PCLO: variants seen among roughly 807,000 people sequenced by gnomAD.
PCLO encodes the protein piccolo presynaptic cytomatrix protein.
PCLO carries 82 observed loss-of-function variants against 427.5 expected under a neutral mutation model. The observed-to-expected ratio is 0.19, with a 90% CI of 0.16 to 0.23. The LOEUF is 0.23. PCLO is among the 10% of genes least tolerant of loss of function. PCLO has a pLI of 1.00. For synonymous variants in PCLO, 2,357 were observed against 2,155.4 expected (o/e 1.09, Z -2.59); for missense variants, 6,239 against 6,115.9 (o/e 1.02, Z -0.67).
chr7:83,040,585 A>G (rs1226512901), intron 3 of PCLO, among the ~76,000 whole-genome samples: 1 of 152,158 alleles, frequency 6.6e-6, no homozygotes, highest in Non-Finnish European at 1.5e-5. Flanking sequence ...TCTCTTCCCC[A>G]GTTAATTATT....
Position 82,801,527 on chromosome 7 carries a change from C to T in PCLO, c.14998G>A (p.Asp5000Asn). The change falls in exon 22 of 25, where the codon GAC (aspartate) becomes AAC (asparagine). Residue 5000 changes from aspartate (D) to asparagine (N), a missense_variant. Physicochemically the swap from Asp to Asn is conservative, Grantham distance 23 (BLOSUM62 1). Transcript: ENST00000333891. ...KQPGVGVGLA[D>N]TEAKTQVMGE... ...GTAAATTTTTACTTACCTTCAGTGT[C>T]TGCTAGTCCTACTCCTACCCCTGGC... 6.4e-7 allele frequency: 1 copy of T among 1,569,126 alleles called. No homozygotes were observed. The highest frequency in any genetic ancestry group is 8.8e-7 in the Non-Finnish European group (1 of 1,139,156).
intron 20 of PCLO, among the ~76,000 whole-genome samples, chr7:82,813,984 G>A (rs1228848085): frequency 6.6e-6 from 1 of 151,680 alleles, no homozygotes; most frequent in African/African-American, 2.4e-5. Context: ...GTAGATAATG[G>A]AAGATGAAAT....
chr7:82,973,176 G>A (rs1583859113), intron 3 of PCLO, among the ~76,000 whole-genome samples: 1 of 152,186 alleles, frequency 6.6e-6, no homozygotes, highest in South Asian at 2.1e-4. Flanking sequence ...TGAGACTGCA[G>A]TTTATAAGTA....
At chr7:82,876,891 T>C (rs1044401321) in intron 10 of PCLO, among the ~76,000 whole-genome samples, 3 of 152,126 alleles carry the variant, frequency 2.0e-5, no homozygotes, top group Admixed American at 2.0e-4. Context: ...TTTATACTCA[T>C]AGAAAGGCCT....
chr7:82,824,243 T>G lies in PCLO; in HGVS notation c.14589A>C (p.Pro4863=), dbSNP rs2115659091. The change falls in exon 19 of 25, where the codon CCA becomes CCC. Residue 4863 remains proline, a synonymous_variant. Transcript: ENST00000333891. ...TAAAAAAATATTTCCTACCCTTTGA[T>G]GGGTCAGGGAAGATACCATGGCTTC... ...KSRSHGIFPD[P]SKDMQVPTIE... is the part of the protein sequence containing the mutation. 3.1e-6 allele frequency: 5 copies of G among 1,602,126 alleles called. No individual in the cohort carries two copies. Among genetic ancestry groups the G allele is most frequent in the Middle Eastern group, 1.7e-4 (1 of 5,904 alleles).
At chr7:83,085,808 T>G (rs192139357) in intron 3 of PCLO, among the ~76,000 whole-genome samples, 5 of 152,270 alleles carry the variant, frequency 3.3e-5, no homozygotes, top group African/African-American at 1.2e-4. Context: ...TGTATGCTAT[T>G]TTTTTATTTG....
At chr7:83,011,811 A>T (rs1391992062) in intron 3 of PCLO, among the ~76,000 whole-genome samples, 3 of 151,970 alleles carry the variant, frequency 2.0e-5, no homozygotes, top group Non-Finnish European at 4.4e-5. Context: ...CACTTTAAAG[A>T]TCCCCAAATT....
chr7:82,953,279 G>A lies in PCLO; in HGVS notation c.7674C>T (p.Thr2558=), dbSNP rs373399399. ...TGTTGGAGTGTGGGGAAAGTGGGGA[G>A]GTAGGGGAAGGCAATTTATAATCTG... is the stretch of plus-strand genomic sequence containing the variant. ...TSADYKLPSP[T]SPLSPHSNKS... is the part of the protein sequence containing the mutation. Residue 2558 remains threonine, a synonymous_variant, in exon 5 of 25, where the codon ACC becomes ACT. Transcript: ENST00000333891. The A allele has an allele frequency of 1.2e-6, 2 of 1,613,802 alleles. No homozygotes were observed. The highest frequency in any genetic ancestry group is 1.7e-6 in the Non-Finnish European group (2 of 1,179,842).
At chr7:83,015,712 A>G (rs1404654826) in intron 3 of PCLO, among the ~76,000 whole-genome samples, 1 of 152,166 alleles carries the variant, frequency 6.6e-6, no homozygotes. Context: ...GCTAAATGAC[A>G]TATAGCCATT....
At chr7:83,129,078 T>C (rs756765227) in intron 3 of PCLO, among the ~76,000 whole-genome samples, 1 of 152,318 alleles carries the variant, frequency 6.6e-6, no homozygotes, top group East Asian at 1.9e-4. Context: ...TATTATCTAG[T>C]ACCTTAGGTT....
At position 82,824,286 on chromosome 7, in the gene PCLO, G is replaced by A; in HGVS notation, c.14546C>T (p.Pro4849Leu). The A allele has an allele frequency of 6.2e-7, 1 of 1,613,404 alleles. No individual in the cohort carries two copies. Among genetic ancestry groups the A allele is most frequent in the Non-Finnish European group, 8.5e-7 (1 of 1,179,664 alleles). Residue 4849 changes from proline to leucine, a missense_variant, in exon 19 of 25, where the codon CCA becomes CTA. Physicochemically the swap from Pro to Leu is moderately conservative, Grantham distance 98. Around this residue, in one of 5 missense-constraint regions of PCLO, gnomAD observed 877 missense variants for 925.5 expected, o/e 0.95. Coordinates refer to ENST00000333891, the MANE Select transcript of PCLO (RefSeq NM_033026.6). Reference sequence around the variant, plus strand: ...ATGGCTTCTGCTTTTGATAACAGATGGCTTTGGGGACTGCTGGCTGCTCTG... The same window carrying A: ...ATGGCTTCTGCTTTTGATAACAGATAGCTTTGGGGACTGCTGGCTGCTCTG... ...SSQSSQQSPK[P>L]SVIKSRSHGI...
chr7:83,135,273 C>A lies in PCLO; in HGVS notation c.2277G>T (p.Met759Ile), dbSNP rs1429294399. The change falls in exon 3 of 25, where the codon ATG (methionine) becomes ATT (isoleucine). Residue 759 changes from methionine to isoleucine, a missense_variant. Around this residue, in one of 5 missense-constraint regions of PCLO, gnomAD observed 4,677 missense variants for 4,468.4 expected, o/e 1.05. Transcript: ENST00000333891. ...ATACAAGGTCAGTGGTTGGCTTTAC[C>A]ATCTTGGGCTGCTTTGGTTTATCAT... ...VADDKPKQPK[M>I]VKPTTDLVSS... is the part of the protein sequence containing the mutation. 7 of 1,613,726 alleles carry A rather than the reference C, an allele frequency of 4.3e-6. No individual in the cohort carries two copies. Among genetic ancestry groups the A allele is most frequent in the Non-Finnish European group, 5.1e-6 (6 of 1,179,846 alleles).
chr7:82,906,163 C>G (rs1415741709), intron 8 of PCLO, among the ~76,000 whole-genome samples: 1 of 151,846 alleles, frequency 6.6e-6, no homozygotes, highest in East Asian at 1.9e-4. Context: ...GATTGTGTGT[C>G]TAATAAAAAA....
At chr7:83,018,222 T>C (rs1788256609) in intron 3 of PCLO, among the ~76,000 whole-genome samples, 1 of 151,936 alleles carries the variant, frequency 6.6e-6, no homozygotes, top group African/African-American at 2.4e-5. Flanking sequence ...CAAAGTTATT[T>C]TAATGCCACA....
rs1354075420 is a variant in PCLO, at chr7:83,156,286, A to T, written c.355T>A (p.Phe119Ile). Reference protein sequence around the residue: ...GLSKSRTTDTFRSEQKLPGRS... With the variant: ...GLSKSRTTDTIRSEQKLPGRS... The stretch of plus-strand genomic sequence containing the variant: ...CCAGGCAATTTCTGCTCTGACCTGA[A>T]AGTGTCTGTAGTTCTACTTTTACTG... The change falls in exon 2 of 25, where the codon TTC (phenylalanine) becomes ATC (isoleucine). Residue 119 changes from phenylalanine (F) to isoleucine (I), a missense_variant. Transcript: ENST00000333891. 6.2e-7 allele frequency: 1 copy of T among 1,613,390 alleles called. No homozygotes were observed. Among genetic ancestry groups the T allele is most frequent in the South Asian group, 1.1e-5 (1 of 91,062 alleles).
chr7:82,955,224 G>A lies in PCLO; in HGVS notation c.5729C>T (p.Ala1910Val), dbSNP rs375287995. The A allele has an allele frequency of 5.3e-5, 86 of 1,613,592 alleles. No individual in the cohort carries two copies. The highest frequency in any genetic ancestry group is 3.3e-4 in the Middle Eastern group (2 of 6,062). ...SIMQKEGSQK[A>V]LKSAEEMYEE... ...ATACATCTCCTCAGCACTTTTTAAC[G>A]CCTTTTGGCTACCTTCTTTCTGCAT... Residue 1910 changes from alanine to valine, a missense_variant, in exon 5 of 25, where the codon GCG (alanine) becomes GTG (valine). Transcript: ENST00000333891.
At chr7:82,856,278 A>T (rs116895172) in intron 10 of PCLO, among the ~76,000 whole-genome samples, 1,547 of 152,324 alleles carry the variant, frequency 0.01, 14 homozygotes, top group Non-Finnish European at 0.016. Flanking sequence ...CTTATACTCA[A>T]ATATGACTGT....
At chr7:83,038,015 A>T (rs189808950) in intron 3 of PCLO, among the ~76,000 whole-genome samples, 11 of 47,892 alleles carry the variant, frequency 2.3e-4, no homozygotes, top group African/African-American at 8.8e-4. Flanking sequence ...ATATATATAT[A>T]TATATATATA....
rs952529753 is a variant in PCLO, at chr7:82,913,993, A to C, written c.13300+693T>G. On this transcript the variant is annotated intron_variant, in intron 7 of 24. Transcript: ENST00000333891. ...TCAATTTTAAAGAATACTTCATACT[A>C]GTACAATTCTTTATTTTCATGTCTT... Among the ~76,000 whole-genome samples, 9 of 152,112 alleles carry C rather than the reference A, an allele frequency of 5.9e-5. No homozygotes were observed. In the East Asian group the frequency reaches 1.7e-3, roughly 29 times the overall value.
Sources: gnomAD v4.1 joint callset for allele counts (sites outside exome capture counted in the v4.1 genomes callset) on GRCh38, gnomAD v4.1.1 for gene constraint, gnomAD v4.1.1 regional missense constraint, MANE v1.5 for transcripts, NCBI Gene and HGNC (gene_info 2026-07-23, HGNC 2026-07-21) for gene names.